The following CACNA2D3 variants were observed in gnomAD, a reference collection of about 807,000 sequenced individuals.
CACNA2D3 encodes voltage-dependent calcium channel subunit alpha-2/delta-3.
CACNA2D3 carries 60 observed loss-of-function variants against 160.6 expected under a neutral mutation model. The observed-to-expected ratio is 0.37, with a 90% CI of 0.30 to 0.46. The LOEUF (loss-of-function observed/expected upper bound fraction) is 0.46, where lower values mean the gene tolerates loss of function less well. Ranked by LOEUF, CACNA2D3 falls within the 20% of genes least tolerant of loss-of-function variation. The pLI, the probability that CACNA2D3 is intolerant of heterozygous loss-of-function variation, is 1.00. For synonymous variants in CACNA2D3, 558 were observed against 492.9 expected (o/e 1.13, Z -1.75); for missense variants, 1,205 against 1,365.0 (o/e 0.88, Z 1.85).
At chr3:54,840,545 G>T (rs535922141) in intron 16 of CACNA2D3, among the ~76,000 whole-genome samples, 1 of 150,952 alleles carries the variant, frequency 6.6e-6, no homozygotes, top group African/African-American at 2.4e-5. Context: ...TAAGTAGCTG[G>T]GATTACAGGT....
intron 9 of CACNA2D3, among the ~76,000 whole-genome samples, chr3:54,592,517 G>T (rs1380841798): frequency 1.3e-5 from 2 of 152,006 alleles, no homozygotes; most frequent in African/African-American, 4.8e-5. Context: ...TTCAAATATA[G>T]AATTTAAATG....
chr3:54,257,946 A>G (rs1022151469), intron 2 of CACNA2D3, among the ~76,000 whole-genome samples: 7 of 152,196 alleles, frequency 4.6e-5, no homozygotes, highest in Non-Finnish European at 1.0e-4. Context: ...CTCATCGACA[A>G]ATTGACCATT....
intron 5 of CACNA2D3, among the ~76,000 whole-genome samples, chr3:54,505,480 G>T (rs2106949466): frequency 6.6e-6 from 1 of 152,080 alleles, no homozygotes; most frequent in African/African-American, 2.4e-5. Flanking sequence ...CTTTACTTTG[G>T]GCTCTTCCTT....
intron 2 of CACNA2D3, among the ~76,000 whole-genome samples, chr3:54,290,592 G>A (rs4928034): frequency 0.56 from 81,606 of 146,800 alleles, 23,081 homozygotes; most frequent in East Asian, 0.71. Context: ...TCATGCTGCT[G>A]TAAAGACACA....
intron 9 of CACNA2D3, among the ~76,000 whole-genome samples, chr3:54,621,964 G>A (rs1307883890): frequency 6.6e-6 from 1 of 151,544 alleles, no homozygotes; most frequent in South Asian, 2.1e-4. Flanking sequence ...TTCTTTTTTC[G>A]GGTCCCCCAG....
At chr3:54,325,257 C>G (rs972982779) in intron 3 of CACNA2D3, among the ~76,000 whole-genome samples, 1 of 152,134 alleles carries the variant, frequency 6.6e-6, no homozygotes, top group Non-Finnish European at 1.5e-5. Flanking sequence ...CTTTGAGGAC[C>G]AATTCCATCA....
chr3:54,820,478 A>G (rs1703566810), intron 14 of CACNA2D3, among the ~76,000 whole-genome samples: 2 of 152,244 alleles, frequency 1.3e-5, no homozygotes, highest in African/African-American at 4.8e-5. Flanking sequence ...CATCTCTAAG[A>G]TAATTCCTAG....
At chr3:54,357,729 C>T (rs369828732) in intron 3 of CACNA2D3, among the ~76,000 whole-genome samples, 3 of 152,060 alleles carry the variant, frequency 2.0e-5, no homozygotes, top group African/African-American at 7.2e-5. Flanking sequence ...GAATGTTATT[C>T]GGTAATAAAA....
chr3:54,832,483 A>T (rs1055056781), intron 14 of CACNA2D3, among the ~76,000 whole-genome samples: 1 of 152,204 alleles, frequency 6.6e-6, no homozygotes, highest in Non-Finnish European at 1.5e-5. Flanking sequence ...CTACCCCTGC[A>T]TTGTTCCATT....
chr3:54,943,848 C>T (rs1395806653), intron 27 of CACNA2D3, among the ~76,000 whole-genome samples: 3 of 152,224 alleles, frequency 2.0e-5, no homozygotes, highest in South Asian at 2.1e-4. Context: ...CTGTCATCTC[C>T]CCCTTTCTCC....
chr3:54,529,504 G>A (rs920002531), intron 5 of CACNA2D3, among the ~76,000 whole-genome samples: 5 of 152,146 alleles, frequency 3.3e-5, no homozygotes, highest in Non-Finnish European at 2.9e-5. Context: ...ACATCAGCGG[G>A]GTGGACCTGG....
intron 13 of CACNA2D3, among the ~76,000 whole-genome samples, chr3:54,778,776 G>A (rs61578394): frequency 0.025 from 3,763 of 152,244 alleles, 181 homozygotes; most frequent in African/African-American, 0.086. Flanking sequence ...GAAAATATCT[G>A]CGTTTTCTAG....
At chr3:54,484,971 C>G (rs1331010468) in intron 4 of CACNA2D3, among the ~76,000 whole-genome samples, 2 of 151,728 alleles carry the variant, frequency 1.3e-5, no homozygotes, top group South Asian at 2.1e-4. Context: ...CTCAGCCTCC[C>G]GAGTAGCTGG....
chr3:54,394,589 G>C (rs1265392642), intron 4 of CACNA2D3, among the ~76,000 whole-genome samples: 2 of 120,950 alleles, frequency 1.7e-5, no homozygotes, highest in African/African-American at 6.8e-5. Context: ...TTGTTCTTGC[G>C]ATAGTTTACT....
intron 2 of CACNA2D3, among the ~76,000 whole-genome samples, chr3:54,201,971 A>G (rs1701188122): frequency 6.6e-6 from 1 of 152,242 alleles, no homozygotes; most frequent in Non-Finnish European, 1.5e-5. Flanking sequence ...CAGATTAAAG[A>G]AATTAAACTA....
At chr3:54,930,136 C>T (rs566491636) in intron 27 of CACNA2D3, among the ~76,000 whole-genome samples, 2 of 152,288 alleles carry the variant, frequency 1.3e-5, no homozygotes, top group East Asian at 3.9e-4. Context: ...ACTTTATTTA[C>T]AAAAACAGGT....
intron 11 of CACNA2D3, among the ~76,000 whole-genome samples, chr3:54,672,232 T>C (rs900016099): frequency 6.6e-6 from 1 of 152,124 alleles, no homozygotes; most frequent in African/African-American, 2.4e-5. Context: ...GACCAAGCGG[T>C]GCTTTTATTG....
chr3:54,497,079 T>A (rs922658049), intron 4 of CACNA2D3, among the ~76,000 whole-genome samples: 1 of 152,120 alleles, frequency 6.6e-6, no homozygotes, highest in African/African-American at 2.4e-5. Context: ...TAAAAATTGT[T>A]TTGAAAATTG....
At chr3:54,608,466 A>T (rs1698682083) in intron 9 of CACNA2D3, among the ~76,000 whole-genome samples, 1 of 152,144 alleles carries the variant, frequency 6.6e-6, no homozygotes, top group Non-Finnish European at 1.5e-5. Flanking sequence ...TGCCCATTTT[A>T]TGGAGGAAGA....
Sources: allele counts gnomAD v4.1 joint callset (sites outside exome capture counted in the v4.1 genomes callset), GRCh38; gene constraint gnomAD v4.1.1; transcripts MANE v1.5; gene names NCBI Gene and HGNC (gene_info 2026-07-23, HGNC 2026-07-21).